The following METTL2B variants were observed in gnomAD, a reference collection of about 807,000 sequenced individuals.
METTL2B encodes tRNA N(3)-cytidine methyltransferase METTL2B.
Under a neutral mutation model 51.0 loss-of-function variants are expected in METTL2B, and 28 were observed. That is an observed-to-expected ratio of 0.55 (90% CI 0.41 to 0.75). METTL2B has a LOEUF of 0.75. Ranked by LOEUF, METTL2B falls within the 30% of genes least tolerant of loss-of-function variation. The pLI is 0.00. For missense variants in METTL2B, 313 were observed against 460.7 expected (o/e 0.68, Z 2.93); for synonymous variants, 128 against 166.3 (o/e 0.77, Z 1.77).
chr7:128,495,001 A>G (rs1162529483), intron 6 of METTL2B, among the ~76,000 whole-genome samples: 1 of 135,732 alleles, frequency 7.4e-6, no homozygotes, highest in Non-Finnish European at 1.6e-5. Context: ...TGCAACCTCC[A>G]CCTCCCGGGT....
intron 4 of METTL2B, among the ~76,000 whole-genome samples, chr7:128,481,626 A>G (rs1339649452): frequency 6.6e-6 from 1 of 152,102 alleles, no homozygotes; most frequent in Non-Finnish European, 1.5e-5. Flanking sequence ...GTGTTCACCA[A>G]CCTGGAAGCT....
In METTL2B at chr7:128,506,152, T is replaced by C. The variant is rs1793118492; in HGVS notation, c.*4236T>C. ...GGTTTTCAGAGGTGGGAGCAAAGAA[T>C]GAAGGGAGGAAGAGAGCTCCCATCT... is the stretch of plus-strand genomic sequence containing the variant. On this transcript the variant is annotated 3_prime_UTR_variant, in exon 9 of 9. Coordinates refer to ENST00000262432, the MANE Select transcript of METTL2B (RefSeq NM_018396.3). 6.6e-6 allele frequency: 1 copy of C among 152,062 alleles called. No homozygotes were observed. Among genetic ancestry groups the C allele is most frequent in the South Asian group, 2.1e-4 (1 of 4,832 alleles). The allele number at this position is 152,062 out of a possible 1,614,324, so 9.4% of individuals were successfully genotyped here. A position where few individuals can be genotyped will look rare whatever the true frequency, so the allele number is the denominator to read the frequency against.
chr7:128,489,479 A>G (rs908293565), intron 5 of METTL2B, among the ~76,000 whole-genome samples: 3 of 152,000 alleles, frequency 2.0e-5, no homozygotes, highest in Admixed American at 2.0e-4. Flanking sequence ...TTATTGCTAA[A>G]ACATATTAAT....
intron 6 of METTL2B, among the ~76,000 whole-genome samples, chr7:128,496,110 G>C (rs1792919068): frequency 6.6e-6 from 1 of 152,170 alleles, no homozygotes; most frequent in Non-Finnish European, 1.5e-5. Flanking sequence ...CAGGATAGGA[G>C]CTTTGAGTGA....
At chr7:128,484,229 T>TGTTTTG (rs1468813996) in intron 4 of METTL2B, 7 of 100,664 alleles carry the variant, frequency 7.0e-5, no homozygotes, top group African/African-American at 2.3e-4. Flanking sequence ...TTTTTTTTTT[T>TGTTTTG]TTTTTTTTTT....
chr7:128,494,967 T>G (rs1049267019), intron 6 of METTL2B, among the ~76,000 whole-genome samples: 3 of 149,462 alleles, frequency 2.0e-5, no homozygotes, highest in Non-Finnish European at 4.4e-5. Context: ...CCGGCTGGGG[T>G]GCAGTGATGA....
At chr7:128,499,445 T>C (rs1193553622) in intron 7 of METTL2B, among the ~76,000 whole-genome samples, 1 of 151,756 alleles carries the variant, frequency 6.6e-6, no homozygotes, top group East Asian at 1.9e-4. Flanking sequence ...CTCTGCCTCC[T>C]GGGTCCACCC....
At chr7:128,477,325 A>T (rs1799815739) in intron 2 of METTL2B, 152 bp downstream of exon 2, 1 of 971,732 alleles carries the variant, frequency 1.0e-6, no homozygotes, top group African/African-American at 1.6e-5. Context: ...GGGGATGAGC[A>T]AGGAGGGAAA....
At chr7:128,478,088 T>A in intron 2 of METTL2B, 1 of 353,232 alleles carries the variant, frequency 2.8e-6, no homozygotes, top group South Asian at 2.0e-5. Context: ...TTAACACACT[T>A]CTTAGTGGAT....
intron 4 of METTL2B, among the ~76,000 whole-genome samples, chr7:128,486,220 G>A (rs1294369971): frequency 2.0e-5 from 3 of 152,062 alleles, no homozygotes; most frequent in Non-Finnish European, 2.9e-5. Context: ...CTTGGACCCA[G>A]GAGTGGAGGT....
intron 4 of METTL2B, among the ~76,000 whole-genome samples, chr7:128,481,228 GT>G (rs1011630292): frequency 3.9e-5 from 6 of 152,196 alleles, no homozygotes; most frequent in Admixed American, 2.0e-4. Flanking sequence ...AATGTGCAGG[GT>G]TTTTGCCAAC....
At chr7:128,481,897 G>C (rs1799876951) in intron 4 of METTL2B, among the ~76,000 whole-genome samples, 2 of 152,176 alleles carry the variant, frequency 1.3e-5, no homozygotes, top group South Asian at 4.1e-4. Context: ...TCTTGCCTCG[G>C]CCTCCCAAAG....
chr7:128,498,782 TG>T (rs1792972833), intron 7 of METTL2B, among the ~76,000 whole-genome samples: 1 of 152,150 alleles, frequency 6.6e-6, no homozygotes, highest in African/African-American at 2.4e-5. Flanking sequence ...GCAGATCACC[TG>T]AGGTCAAGAG....
At chr7:128,501,558 G>GA (rs1333593506) in intron 8 of METTL2B, 1 of 985,134 alleles carries the variant, frequency 1.0e-6, no homozygotes, top group South Asian at 4.7e-5. Flanking sequence ...TTTTAAAAAA[G>GA]AAAAAACCGC....
chr7:128,500,621 CA>C (rs1471858344), intron 7 of METTL2B, among the ~76,000 whole-genome samples: 1 of 148,838 alleles, frequency 6.7e-6, no homozygotes, highest in Non-Finnish European at 1.5e-5. Context: ...AACTCTGTCT[CA>C]AAAAAAATAA....
In METTL2B at chr7:128,479,143, C is replaced by G. The variant is rs1799841483; in HGVS notation, c.203-15C>G. On this transcript the variant is annotated splice_polypyrimidine_tract_variant and intron_variant, in intron 2 of 8. Transcript: ENST00000262432. ...TGAGAGCTGGTTCTTAAAATTTTTT[C>G]TTAAATATTTACAGTTGATTATGAG... is the stretch of plus-strand genomic sequence containing the variant. 1 of 1,570,976 alleles carries G rather than the reference C, an allele frequency of 6.4e-7. No homozygotes were observed. The highest frequency in any genetic ancestry group is 1.9e-5 in the Admixed American group (1 of 51,686).
At chr7:128,488,336 A>G in intron 5 of METTL2B, 175 bp downstream of exon 5, 2 of 899,204 alleles carry the variant, frequency 2.2e-6, no homozygotes, top group Non-Finnish European at 3.6e-6. Flanking sequence ...ACTTTATCAC[A>G]CTGTACAGAT....
At chr7:128,489,247 A>T (rs1361805804) in intron 5 of METTL2B, among the ~76,000 whole-genome samples, 1 of 152,176 alleles carries the variant, frequency 6.6e-6, no homozygotes, top group African/African-American at 2.4e-5. Context: ...CCTAGGCAAC[A>T]TGGTGAAACC....
intron 7 of METTL2B, among the ~76,000 whole-genome samples, chr7:128,499,592 C>CACTACA (rs1554430303): frequency 6.1e-5 from 9 of 148,716 alleles, no homozygotes; most frequent in Non-Finnish European, 1.3e-4. Context: ...GATCTCGGCT[C>CACTACA]ACTGCAACGT....
Sources: allele counts gnomAD v4.1 joint callset (sites outside exome capture counted in the v4.1 genomes callset), GRCh38; gene constraint gnomAD v4.1.1; transcripts MANE v1.5; gene names NCBI Gene and HGNC (gene_info 2026-07-23, HGNC 2026-07-21).